The following ELMO1 variants were observed in gnomAD, a reference collection of about 807,000 sequenced individuals.
The protein encoded by ELMO1 is engulfment and cell motility protein 1.
Under a neutral mutation model 98.9 loss-of-function variants are expected in ELMO1, and 26 were observed. That is an observed-to-expected ratio of 0.26 (90% CI 0.19 to 0.36). The LOEUF is 0.36. ELMO1 is among the 10% of genes least tolerant of loss of function. The pLI is 1.00. For missense variants in ELMO1, 627 were observed against 935.2 expected, an observed-to-expected ratio of 0.67 and a Z score of 4.30; for synonymous variants, 346 against 346.0, an observed-to-expected ratio of 1.00 and a Z score of 0.00.
chr7:37,244,217 T>C, intron 7 of ELMO1, 139 bp downstream of exon 7: 2 of 948,866 alleles, frequency 2.1e-6, no homozygotes, highest in East Asian at 2.6e-5. Context: ...GAACATCAAA[T>C]AGAAAACAAA....
Position 37,323,656 on chromosome 7 carries a change from G to A in ELMO1, c.79-7696C>T, listed in dbSNP as rs1007124759. Reference sequence around the variant, plus strand: ...AAACAAAAGCTAGATTATTGAAAATGGCCAAATTCTCTACCAGCTGATTTT... The same window carrying A: ...AAACAAAAGCTAGATTATTGAAAATAGCCAAATTCTCTACCAGCTGATTTT... On this transcript the variant is annotated intron_variant, in intron 2 of 21. Coordinates refer to ENST00000310758, the MANE Select transcript of ELMO1 (RefSeq NM_014800.11). Among the ~76,000 whole-genome samples the A allele has an allele frequency of 1.4e-4, 21 of 152,164 alleles. 1 individual carries two copies. The highest frequency in any genetic ancestry group is 1.4e-3 in the Admixed American group (21 of 15,286).
chr7:37,309,107 G>A (rs1798767053), intron 4 of ELMO1, among the ~76,000 whole-genome samples: 1 of 152,176 alleles, frequency 6.6e-6, no homozygotes, highest in African/African-American at 2.4e-5. Flanking sequence ...AGACATACCT[G>A]AGACTGGGTA....
At chr7:37,363,164 G>A (rs1801762448) in intron 1 of ELMO1, among the ~76,000 whole-genome samples, 1 of 152,052 alleles carries the variant, frequency 6.6e-6, no homozygotes, top group African/African-American at 2.4e-5. Flanking sequence ...ATGACTTCAG[G>A]TGCTTGTGCC....
intron 13 of ELMO1, among the ~76,000 whole-genome samples, chr7:37,201,962 T>C (rs1792322347): frequency 6.6e-6 from 1 of 152,212 alleles, no homozygotes; most frequent in African/African-American, 2.4e-5. Context: ...TGTGAGTTCA[T>C]GCAGCCTGAA....
At chr7:37,365,770 C>T (rs890614412) in intron 1 of ELMO1, among the ~76,000 whole-genome samples, 2 of 152,304 alleles carry the variant, frequency 1.3e-5, no homozygotes, top group South Asian at 4.1e-4. Context: ...ATTATTCCAA[C>T]TCACTATTTA....
At chr7:37,423,340 G>C (rs1464552703) in intron 1 of ELMO1, among the ~76,000 whole-genome samples, 1 of 152,206 alleles carries the variant, frequency 6.6e-6, no homozygotes, top group East Asian at 1.9e-4. Context: ...AGCAATTTGG[G>C]AGGCCAAGCT....
rs549953945 is a variant in ELMO1 at position 37,149,479 on chromosome 7, A to C, written c.1087-16245T>G. On this transcript the variant is annotated intron_variant, in intron 13 of 21. Coordinates refer to ENST00000310758, the MANE Select transcript of ELMO1 (RefSeq NM_014800.11). ...AATGTTTTTTCTTTTACATTTTTAA[A>C]TAGTTTTTTAATCAAAAGAAAAAAA... Among the ~76,000 whole-genome samples the C allele has an allele frequency of 5.5e-4, 83 of 151,582 alleles. 1 individual carries two copies. In the Middle Eastern group the frequency reaches 0.01, roughly 19 times the overall value.
chr7:37,347,058 A>G (rs2131280098), intron 1 of ELMO1, among the ~76,000 whole-genome samples: 1 of 152,308 alleles, frequency 6.6e-6, no homozygotes. Context: ...TTTCCCCAAC[A>G]TTAACAAACC....
chr7:37,073,930 T>C (rs1339394205), intron 15 of ELMO1, among the ~76,000 whole-genome samples: 2 of 151,342 alleles, frequency 1.3e-5, no homozygotes, highest in African/African-American at 4.8e-5. Context: ...AATATATTTC[T>C]ATGTATCTTA....
At chr7:37,141,364 G>C (rs898569195) in intron 13 of ELMO1, among the ~76,000 whole-genome samples, 1 of 152,164 alleles carries the variant, frequency 6.6e-6, no homozygotes, top group Admixed American at 6.5e-5. Flanking sequence ...TGGGGACTTA[G>C]GGGAAAGAAT....
intron 15 of ELMO1, among the ~76,000 whole-genome samples, chr7:37,030,809 G>A (rs1344035082): frequency 1.3e-5 from 2 of 152,056 alleles, no homozygotes; most frequent in Non-Finnish European, 2.9e-5. Flanking sequence ...GCACTAGGAG[G>A]ACTAATCTGG....
At chr7:37,164,751 T>C (rs926013594) in intron 13 of ELMO1, among the ~76,000 whole-genome samples, 3 of 149,712 alleles carry the variant, frequency 2.0e-5, no homozygotes, top group African/African-American at 7.3e-5. Context: ...CCTTGTAGTA[T>C]AGTTTGAAGT....
intron 20 of ELMO1, among the ~76,000 whole-genome samples, chr7:36,868,007 G>A (rs942989216): frequency 6.6e-6 from 1 of 152,150 alleles, no homozygotes; most frequent in Non-Finnish European, 1.5e-5. Flanking sequence ...GTCTATTAAT[G>A]TCAATTAGAT....
chr7:37,246,833 T>C (rs1273868368), intron 6 of ELMO1, among the ~76,000 whole-genome samples: 1 of 151,982 alleles, frequency 6.6e-6, no homozygotes, highest in Non-Finnish European at 1.5e-5. Context: ...TATATATATC[T>C]GTATATATCT....
intron 14 of ELMO1, among the ~76,000 whole-genome samples, chr7:37,117,606 A>G (rs1785692204): frequency 6.6e-6 from 1 of 152,176 alleles, no homozygotes; most frequent in Non-Finnish European, 1.5e-5. Flanking sequence ...CACACTCTCA[A>G]GGGGTCCCGA....
intron 1 of ELMO1, chr7:37,375,732 C>A (rs542594639): frequency 8.1e-7 from 1 of 1,227,346 alleles, no homozygotes; most frequent in East Asian, 2.4e-5. Context: ...TCTACTGGTA[C>A]CTTACCAATG....
intron 1 of ELMO1, among the ~76,000 whole-genome samples, chr7:37,412,030 TCACACACACACAAAAA>T (rs1227706031): frequency 2.6e-5 from 4 of 152,074 alleles, no homozygotes; most frequent in Non-Finnish European, 5.9e-5. Context: ...CTGCTCTCTC[TCACACACACACAAAAA>T]CACACACACA....
chr7:37,343,487 C>CTTT (rs10571805), intron 1 of ELMO1, among the ~76,000 whole-genome samples: 123 of 92,748 alleles, frequency 1.3e-3, no homozygotes, highest in African/African-American at 1.8e-3. Context: ...TAGCCCATTT[C>CTTT]TTTTTTTTTT....
chr7:37,330,912 T>C (rs560339068), intron 2 of ELMO1, among the ~76,000 whole-genome samples: 5 of 152,242 alleles, frequency 3.3e-5, no homozygotes, highest in Admixed American at 3.3e-4. Context: ...TGCCATACCA[T>C]GATAGTTGAT....
Sources: gnomAD v4.1 joint callset for allele counts (sites outside exome capture counted in the v4.1 genomes callset) on GRCh38, gnomAD v4.1.1 for gene constraint, MANE v1.5 for transcripts, NCBI Gene and HGNC (gene_info 2026-07-23, HGNC 2026-07-21) for gene names.